The following GALNT7 variants were observed in gnomAD, a reference collection of about 807,000 sequenced individuals.
The protein encoded by GALNT7 is N-acetylgalactosaminyltransferase 7.
A neutral mutation model predicts 82.1 loss-of-function variants in GALNT7; 60 were observed. The ratio of observed to expected loss-of-function variants is 0.73; its 90% CI spans 0.59 to 0.91. GALNT7 has a LOEUF of 0.91. Ranked by LOEUF, GALNT7 falls within the 40% of genes least tolerant of loss-of-function variation. The pLI, the probability that GALNT7 is intolerant of heterozygous loss-of-function variation, is 0.00. For synonymous variants in GALNT7, 243 were observed against 275.1 expected (o/e 0.88, Z 1.15); for missense variants, 660 against 804.2 (o/e 0.82, Z 2.17).
chr4:173,235,407 G>A (rs1261479737), intron 1 of GALNT7, among the ~76,000 whole-genome samples: 1 of 152,046 alleles, frequency 6.6e-6, no homozygotes, highest in East Asian at 1.9e-4. Flanking sequence ...CTTCTTGCTT[G>A]GCATAGGCCT....
At chr4:173,183,755 G>T (rs1171780621) in intron 1 of GALNT7, among the ~76,000 whole-genome samples, 4 of 147,162 alleles carry the variant, frequency 2.7e-5, no homozygotes, top group Admixed American at 6.8e-5. Context: ...CCCACCTCCC[G>T]GACGGGGCGG....
rs753734534 is a variant in GALNT7, at chr4:173,210,921, T to TA, written c.127-37054dup. 1.9e-4 allele frequency among the ~76,000 whole-genome samples: 29 copies of TA among 152,340 alleles called. No individual in the cohort carries two copies. The East Asian group carries it at 1.9e-3, about 10-fold the overall frequency. On this transcript the variant is annotated intron_variant, in intron 1 of 11. Transcript: ENST00000265000. ...ATTGTAAATTTTCTAGTAGCCATAT[T>TA]AAAAATAGCTTTAAAAACCCAGGTG...
intron 2 of GALNT7, among the ~76,000 whole-genome samples, chr4:173,255,549 C>T (rs1329954415): frequency 1.3e-5 from 2 of 152,000 alleles, no homozygotes; most frequent in African/African-American, 4.8e-5. Flanking sequence ...TACGGTGGCA[C>T]CACTAGATAT....
intron 2 of GALNT7, among the ~76,000 whole-genome samples, chr4:173,283,476 T>C (rs1427933863): frequency 6.6e-6 from 1 of 151,756 alleles, no homozygotes; most frequent in East Asian, 1.9e-4. Context: ...CCCATCTCTA[T>C]GGAAAATACA....
chr4:173,275,199 G>A (rs1407411129), intron 2 of GALNT7, among the ~76,000 whole-genome samples: 2 of 152,160 alleles, frequency 1.3e-5, no homozygotes, highest in African/African-American at 4.8e-5. Context: ...GTATTCGAAC[G>A]TTTCTGTCCC....
chr4:173,172,009 G>A (rs1223175505), intron 1 of GALNT7, among the ~76,000 whole-genome samples: 3 of 152,204 alleles, frequency 2.0e-5, no homozygotes, highest in Admixed American at 6.5e-5. Flanking sequence ...CTTACCTCCT[G>A]TGGGAAAGAA....
chr4:173,302,711 AAG>A lies in GALNT7; in HGVS notation c.1266+557_1266+558del, dbSNP rs562232157. Among the ~76,000 whole-genome samples the A allele has an allele frequency of 1.0e-3, 152 of 152,312 alleles. No individual in the cohort carries two copies. The highest frequency in any genetic ancestry group is 3.4e-3 in the African/African-American group (143 of 41,566). ...ATTCCTACCCCCATTTTCCAAAAGA[AAG>A]AGAGAGAGAACTATATCAGAGTGTG... On this transcript the variant is annotated intron_variant, in intron 7 of 11. Transcript: ENST00000265000. This position sits in a 1 kb window ranked among gnomAD's most constrained non-coding sequence, Gnocchi z 4.2.
At chr4:173,287,978 G>A (rs566106931) in intron 2 of GALNT7, among the ~76,000 whole-genome samples, 2 of 152,234 alleles carry the variant, frequency 1.3e-5, no homozygotes, top group African/African-American at 4.8e-5. Flanking sequence ...ATGTAGAACA[G>A]GTGCCTCAGA....
rs141149503 is a variant in GALNT7 at position 173,272,376 on chromosome 4, T to C, written c.588-19732T>C. On this transcript the variant is annotated intron_variant, in intron 2 of 11. Transcript: ENST00000265000. ...TGCAGTGTTCACATGAGTTAAGTCA[T>C]TGGGTTCCCTGCCAGATTTTAAGTG... Among the ~76,000 whole-genome samples, 5 of 152,328 alleles carry C rather than the reference T, an allele frequency of 3.3e-5. No individual in the cohort carries two copies. The East Asian group carries it at 9.7e-4, about 29-fold the overall frequency.
At chr4:173,252,591 C>T (rs530817087) in intron 2 of GALNT7, among the ~76,000 whole-genome samples, 5 of 152,272 alleles carry the variant, frequency 3.3e-5, no homozygotes, top group Admixed American at 6.5e-5. Flanking sequence ...CTGTTGATTG[C>T]GTGTTAAAAG....
chr4:173,196,326 T>C (rs1180451937), intron 1 of GALNT7, among the ~76,000 whole-genome samples: 1 of 152,092 alleles, frequency 6.6e-6, no homozygotes, highest in Non-Finnish European at 1.5e-5. Flanking sequence ...GGTTTCGCTA[T>C]GTTGGCCAGG....
chr4:173,282,459 C>T (rs1242910324), intron 2 of GALNT7: 3 of 151,802 alleles, frequency 2.0e-5, no homozygotes, highest in South Asian at 2.1e-4. Flanking sequence ...TCAGGCAGAC[C>T]GCTTCTACAC....
chr4:173,240,357 A>AT (rs869162691), intron 1 of GALNT7, among the ~76,000 whole-genome samples: 2,051 of 104,094 alleles, frequency 0.02, 72 homozygotes, highest in African/African-American at 0.033. Flanking sequence ...ACACTGGCTA[A>AT]TTTTTTTTTT....
intron 1 of GALNT7, among the ~76,000 whole-genome samples, chr4:173,245,974 G>T (rs1734615654): frequency 6.6e-6 from 1 of 152,168 alleles, no homozygotes; most frequent in Admixed American, 6.5e-5. Context: ...TCTCAACCCT[G>T]TACCACACAT....
chr4:173,216,727 A>ATTTTT lies in GALNT7; in HGVS notation c.127-31238_127-31234dup, dbSNP rs1554022010. ...TATTCATATATATATATATATATAT[A>ATTTTT]TTTTTTTTTTTTTTTTTTTGGAGAC... On this transcript the variant is annotated intron_variant, in intron 1 of 11. Coordinates refer to ENST00000265000, the MANE Select transcript of GALNT7 (RefSeq NM_017423.3). Among the ~76,000 whole-genome samples the ATTTTT allele has an allele frequency of 2.4e-3, 31 of 12,978 alleles. 1 individual carries two copies. The highest frequency in any genetic ancestry group is 8.1e-3 in the African/African-American group (29 of 3,592). 8.5% of individuals were successfully genotyped at this position (12,978 alleles called of 152,430 possible). A position where few individuals can be genotyped will look rare whatever the true frequency, so the allele number is the denominator to read the frequency against.
chr4:173,302,906 G>A lies in GALNT7; in HGVS notation c.1266+742G>A, dbSNP rs1482393047. On this transcript the variant is annotated intron_variant, in intron 7 of 11. Coordinates refer to ENST00000265000, the MANE Select transcript of GALNT7 (RefSeq NM_017423.3). This position sits in a 1 kb window ranked among gnomAD's most constrained non-coding sequence, Gnocchi z 4.2. Reference sequence around the variant, plus strand: ...AGGCAGAATGGCATTCAGTTGGTGTGCTTAAAAAACCGTCGGCCAGGCGCT... The same window carrying A: ...AGGCAGAATGGCATTCAGTTGGTGTACTTAAAAAACCGTCGGCCAGGCGCT... Among the ~76,000 whole-genome samples, 1 of 152,188 alleles carries A rather than the reference G, an allele frequency of 6.6e-6. No individual in the cohort carries two copies. The highest frequency in any genetic ancestry group is 1.5e-5 in the Non-Finnish European group (1 of 68,036).
intron 1 of GALNT7, among the ~76,000 whole-genome samples, chr4:173,216,728 T>TATATATATATATATATATATATATA (rs374031950): frequency 9.9e-4 from 8 of 8,054 alleles, no homozygotes; most frequent in Admixed American, 2.8e-3. Context: ...TATATATATA[T>TATATATATATATATATATATATATA]TTTTTTTTTT....
At chr4:173,288,074 G>A (rs1388370240) in intron 2 of GALNT7, among the ~76,000 whole-genome samples, 1 of 151,778 alleles carries the variant, frequency 6.6e-6, no homozygotes. Flanking sequence ...ACGAGGTCAG[G>A]AGATCGAGAC....
At chr4:173,184,506 G>A (rs1269755279) in intron 1 of GALNT7, among the ~76,000 whole-genome samples, 1 of 151,816 alleles carries the variant, frequency 6.6e-6, no homozygotes, top group South Asian at 2.1e-4. Context: ...GCTGAGGCAG[G>A]AGAATCAGGC....
Sources: allele counts gnomAD v4.1 joint callset (sites outside exome capture counted in the v4.1 genomes callset), GRCh38; gene constraint gnomAD v4.1.1; non-coding constraint Gnocchi (gnomAD v3.1); transcripts MANE v1.5; gene names NCBI Gene and HGNC (gene_info 2026-07-23, HGNC 2026-07-21).